NUTM2E: variants seen among roughly 807,000 people sequenced by gnomAD.
NUTM2E encodes family with sequence similarity 22, member E.
Under a neutral mutation model 26.1 loss-of-function variants are expected in NUTM2E, and 3 were observed. The observed-to-expected ratio is 0.12, with a 90% CI of 0.05 to 0.30. The LOEUF (loss-of-function observed/expected upper bound fraction) is 0.30. Ranked by LOEUF, NUTM2E falls within the 10% of genes least tolerant of loss-of-function variation. NUTM2E has a pLI of 1.00. For missense variants in NUTM2E, 62 were observed against 381.3 expected, an observed-to-expected ratio of 0.16 and a Z score of 6.97; for synonymous variants, 13 against 157.5, an observed-to-expected ratio of 0.08 and a Z score of 6.87.
At chr10:79,839,493 C>A (rs1841986066) in intron 3 of NUTM2E, among the ~76,000 whole-genome samples, 135 bp from the exon 4 acceptor site, 1 of 151,684 alleles carries the variant, frequency 6.6e-6, no homozygotes, top group African/African-American at 2.4e-5. Flanking sequence ...TCCACGCTCC[C>A]CACCCCTGAC....
chr10:79,834,972 A>C (rs996189343), intron 1 of NUTM2E, among the ~76,000 whole-genome samples: 15 of 151,674 alleles, frequency 9.9e-5, no homozygotes, highest in South Asian at 2.1e-4. Flanking sequence ...TCTGTCTCTT[A>C]ATCCATCCAT....
At chr10:79,828,210 C>T (rs1037931534) in intron 1 of NUTM2E, among the ~76,000 whole-genome samples, 3 of 151,926 alleles carry the variant, frequency 2.0e-5, no homozygotes, top group African/African-American at 7.2e-5. Flanking sequence ...TTTGTTTAGT[C>T]ATTCATGGAT....
chr10:79,838,792 A>G lies in NUTM2E; in HGVS notation c.-2437A>G, dbSNP rs1366321118. On this transcript the variant is annotated 5_prime_UTR_variant, in exon 3 of 10. Coordinates refer to ENST00000429984, the MANE Select transcript of NUTM2E (RefSeq NM_001355263.2). Reference sequence around the variant, plus strand: ...GCTTTATTTTTAGGTAACACCAAGAAGGACGCCATGAGAGCGAAGGCCGTT... The same window carrying G: ...GCTTTATTTTTAGGTAACACCAAGAGGGACGCCATGAGAGCGAAGGCCGTT... Among the ~76,000 whole-genome samples the G allele has an allele frequency of 6.6e-6, 1 of 151,908 alleles. No homozygotes were observed. Among genetic ancestry groups the G allele is most frequent in the Non-Finnish European group, 1.5e-5 (1 of 67,946 alleles).
chr10:79,844,048 GA>G, intron 4 of NUTM2E, 124 bp from the exon 5 acceptor site: 1 of 150,980 alleles, frequency 6.6e-6, no homozygotes, highest in Non-Finnish European at 1.3e-5. Context: ...CACACTCAGG[GA>G]CATTTGCAAG....
chr10:79,834,304 A>G (rs955198056), intron 1 of NUTM2E, among the ~76,000 whole-genome samples: 3 of 151,778 alleles, frequency 2.0e-5, no homozygotes, highest in Admixed American at 6.6e-5. Flanking sequence ...ATGTATACCT[A>G]TGTAACAAGC....
rs1054648632 is a variant in NUTM2E, at chr10:79,845,574, T to C, written c.1082+702T>C. On this transcript the variant is annotated intron_variant, in intron 5 of 9. Transcript: ENST00000429984. ...ATTACTGTCCCCATTACTATCATTA[T>C]CAAGACTAGGCCATCTAGGAGAGCA... Among the ~76,000 whole-genome samples, 29 of 105,930 alleles carry C rather than the reference T, an allele frequency of 2.7e-4. 3 individuals carry two copies. The highest frequency in any genetic ancestry group is 8.5e-4 in the African/African-American group (29 of 34,104). 69.5% of individuals were successfully genotyped at this position (105,930 alleles called of 152,430 possible).
rs969867817 is a variant in NUTM2E at position 79,828,346 on chromosome 10, G to A, written c.-2728+989G>A. Among the ~76,000 whole-genome samples the A allele has an allele frequency of 2.6e-5, 4 of 151,944 alleles. No homozygotes were observed. The South Asian group carries it at 6.3e-4, about 24-fold the overall frequency. On this transcript the variant is annotated intron_variant, in intron 1 of 9. Coordinates refer to ENST00000429984, the MANE Select transcript of NUTM2E (RefSeq NM_001355263.2). ...AGAATATACTTTGCTGAAGGTATGA[G>A]GCTTTTAACTGAAAGTCTTCTCTCT...
At chr10:79,834,334 A>G (rs113158855) in intron 1 of NUTM2E, among the ~76,000 whole-genome samples, 152 of 151,954 alleles carry the variant, frequency 1.0e-3, no homozygotes, top group African/African-American at 3.5e-3. Flanking sequence ...CTACACATGT[A>G]TAACTTAAGT....
At chr10:79,828,308 C>T (rs1445164252) in intron 1 of NUTM2E, among the ~76,000 whole-genome samples, 1 of 151,804 alleles carries the variant, frequency 6.6e-6, no homozygotes, top group Non-Finnish European at 1.5e-5. Flanking sequence ...GAGCCTAACA[C>T]GATAATGGAA....
intron 1 of NUTM2E, among the ~76,000 whole-genome samples, chr10:79,836,268 G>C (rs1203919219): frequency 6.6e-6 from 1 of 151,726 alleles, no homozygotes; most frequent in African/African-American, 2.4e-5. Flanking sequence ...GAATGAACTA[G>C]TCATCTATAT....
At chr10:79,827,795 G>GTTTTTTTTTT (rs57414762) in intron 1 of NUTM2E, among the ~76,000 whole-genome samples, 16 of 127,728 alleles carry the variant, frequency 1.3e-4, no homozygotes, top group Non-Finnish European at 1.8e-4. Flanking sequence ...TTTTTTTTTT[G>GTTTTTTTTTT]TTTTTTTTTT....
At chr10:79,839,483 T>G (rs1270731388) in intron 3 of NUTM2E, among the ~76,000 whole-genome samples, 145 bp from the exon 4 acceptor site, 1 of 151,628 alleles carries the variant, frequency 6.6e-6, no homozygotes, top group Non-Finnish European at 1.5e-5. Context: ...AGGGAACAAT[T>G]CCACGCTCCC....
At chr10:79,835,265 A>G (rs1246195349) in intron 1 of NUTM2E, among the ~76,000 whole-genome samples, 1 of 150,688 alleles carries the variant, frequency 6.6e-6, no homozygotes. Flanking sequence ...GGTTGCTTAA[A>G]TAATCCGGAC....
chr10:79,827,592 G>T (rs1841893820), intron 1 of NUTM2E: 1 of 150,424 alleles, frequency 6.6e-6, no homozygotes, highest in South Asian at 2.1e-4. Context: ...AAATTTTGGA[G>T]TGTAAACATA....
intron 1 of NUTM2E, among the ~76,000 whole-genome samples, chr10:79,836,701 A>C (rs994909200): frequency 1.3e-5 from 2 of 151,900 alleles, no homozygotes; most frequent in African/African-American, 4.8e-5. Context: ...TTGAATCCAC[A>C]AGCCACAGAT....
chr10:79,845,456 AGAG>A (rs1252275833), intron 5 of NUTM2E, among the ~76,000 whole-genome samples: 15 of 111,594 alleles, frequency 1.3e-4, no homozygotes, highest in African/African-American at 4.0e-4. Context: ...TGCTTCATTC[AGAG>A]GATGGTGAAG....
At chr10:79,845,888 C>T (rs1378896603) in intron 5 of NUTM2E, among the ~76,000 whole-genome samples, 3 of 41,190 alleles carry the variant, frequency 7.3e-5, no homozygotes, top group Non-Finnish European at 6.7e-5. Context: ...TTTTCATCCC[C>T]CAAAATCTCG....
At chr10:79,836,730 C>G (rs368014983) in intron 1 of NUTM2E, among the ~76,000 whole-genome samples, 1 of 151,882 alleles carries the variant, frequency 6.6e-6, no homozygotes, top group Admixed American at 6.6e-5. Flanking sequence ...TAATCTATTA[C>G]GTTTTGAGTA....
chr10:79,830,993 T>G (rs1277861657), intron 1 of NUTM2E, among the ~76,000 whole-genome samples: 1 of 151,878 alleles, frequency 6.6e-6, no homozygotes, highest in Admixed American at 6.6e-5. Flanking sequence ...ATCTCAGTGT[T>G]TCACTCTTGC....
Sources: gnomAD v4.1 joint callset for allele counts (sites outside exome capture counted in the v4.1 genomes callset) on GRCh38, gnomAD v4.1.1 for gene constraint, MANE v1.5 for transcripts, NCBI Gene and HGNC (gene_info 2026-07-23, HGNC 2026-07-21) for gene names.